The following PLOD2 variants were observed in gnomAD, a reference collection of about 807,000 sequenced individuals.
The protein encoded by PLOD2 is procollagen-lysine,2-oxoglutarate 5-dioxygenase 2.
PLOD2 carries 65 observed loss-of-function variants against 101.0 expected under a neutral mutation model. The ratio of observed to expected loss-of-function variants is 0.64; its 90% CI spans 0.53 to 0.79. The LOEUF is 0.79. Ranked by LOEUF, PLOD2 falls within the 30% of genes least tolerant of loss-of-function variation. The pLI, the probability that PLOD2 is intolerant of heterozygous loss-of-function variation, is 0.00. For synonymous variants in PLOD2, 314 were observed against 302.9 expected (o/e 1.04, Z -0.38); for missense variants, 909 against 914.6 (o/e 0.99, Z 0.08).
intron 3 of PLOD2, among the ~76,000 whole-genome samples, chr3:146,111,856 T>A (rs369321815): frequency 1.9e-4 from 28 of 149,892 alleles, no homozygotes; most frequent in Admixed American, 1.7e-3. Context: ...TTTTTTTTTT[T>A]AATAATGAAG....
chr3:146,128,914 C>T (rs865820310), intron 1 of PLOD2, among the ~76,000 whole-genome samples: 5 of 74,498 alleles, frequency 6.7e-5, no homozygotes, highest in Non-Finnish European at 1.3e-4. Flanking sequence ...TTTTTTGAGA[C>T]GGAGTCTCAG....
chr3:146,122,278 T>C (rs1366746300), intron 2 of PLOD2, among the ~76,000 whole-genome samples: 3 of 152,192 alleles, frequency 2.0e-5, no homozygotes, highest in East Asian at 1.9e-4. Flanking sequence ...GGATTCAAAC[T>C]AGGCTAATCT....
chr3:146,095,546 G>C (rs1937119375), intron 7 of PLOD2, among the ~76,000 whole-genome samples: 1 of 152,032 alleles, frequency 6.6e-6, no homozygotes, highest in Non-Finnish European at 1.5e-5. Context: ...AATCGCTAAA[G>C]TCTGGAAATA....
chr3:146,160,102 A>C (rs2032497944), intron 1 of PLOD2, among the ~76,000 whole-genome samples: 1 of 152,262 alleles, frequency 6.6e-6, no homozygotes, highest in South Asian at 2.1e-4. Flanking sequence ...CAGAGAGTTG[A>C]GCACAAAGAG....
At chr3:146,146,598 T>C (rs910509934) in intron 1 of PLOD2, among the ~76,000 whole-genome samples, 22 of 152,238 alleles carry the variant, frequency 1.4e-4, no homozygotes, top group Admixed American at 1.0e-3. Flanking sequence ...GAATTCTGCA[T>C]TGTTGGTATA....
chr3:146,159,071 A>G (rs2032442633), intron 1 of PLOD2, among the ~76,000 whole-genome samples: 1 of 152,202 alleles, frequency 6.6e-6, no homozygotes, highest in South Asian at 2.1e-4. Context: ...AGTTTATCAC[A>G]TAACCTATGA....
intron 7 of PLOD2, 98 bp from the exon 8 acceptor site, chr3:146,091,999 AG>A: frequency 1.4e-6 from 1 of 716,674 alleles, no homozygotes; most frequent in South Asian, 1.5e-5. Context: ...TTTCTGCAGC[AG>A]GTATATTCCT....
chr3:146,072,766 C>T, intron 16 of PLOD2, 101 bp from the exon 17 acceptor site: 1 of 749,638 alleles, frequency 1.3e-6, no homozygotes, highest in Non-Finnish European at 2.3e-6. Flanking sequence ...TCCTGTATGA[C>T]TAGGAAACAT....
intron 1 of PLOD2, among the ~76,000 whole-genome samples, chr3:146,133,443 T>C (rs1379642528): frequency 6.6e-6 from 1 of 152,202 alleles, no homozygotes; most frequent in Non-Finnish European, 1.5e-5. Flanking sequence ...TTAGAACTGC[T>C]TGCAATAACT....
intron 4 of PLOD2, 31 bp downstream of exon 4, chr3:146,110,254 C>T: frequency 1.9e-6 from 3 of 1,596,908 alleles, no homozygotes; most frequent in Non-Finnish European, 2.6e-6. Flanking sequence ...TTATAACTTG[C>T]ATTAAACTTT....
At chr3:146,103,472 T>G (rs866895962) in intron 6 of PLOD2, among the ~76,000 whole-genome samples, 18 of 151,806 alleles carry the variant, frequency 1.2e-4, no homozygotes, top group Admixed American at 7.2e-4. Flanking sequence ...TTTTTTTTTT[T>G]TTTTAGAGAC....
chr3:146,160,723 C>T lies in PLOD2; in HGVS notation c.109+158G>A, dbSNP rs545808593. On this transcript the variant is annotated intron_variant, in intron 1 of 19. Coordinates refer to ENST00000282903, the MANE Select transcript of PLOD2 (RefSeq NM_182943.3). ...TACACTTCCCCAGGGACCAGCGCCG[C>T]CCGACCGCAATTCTGGGGAAGACCC... 10 of 608,662 alleles carry T rather than the reference C, an allele frequency of 1.6e-5. No homozygotes were observed. In the East Asian group the frequency reaches 1.7e-4, roughly 11 times the overall value. 37.7% of individuals were successfully genotyped at this position (608,662 alleles called of 1,614,324 possible).
chr3:146,153,737 G>C (rs998567109), intron 1 of PLOD2, among the ~76,000 whole-genome samples: 2 of 151,214 alleles, frequency 1.3e-5, no homozygotes, highest in Non-Finnish European at 2.9e-5. Flanking sequence ...TTGAGTGTCC[G>C]AGACTGACCA....
intron 1 of PLOD2, among the ~76,000 whole-genome samples, chr3:146,132,748 G>A (rs183461258): frequency 5.3e-5 from 8 of 152,186 alleles, no homozygotes; most frequent in African/African-American, 1.7e-4. Flanking sequence ...ATTTCTAGTA[G>A]CTAGTAACTT....
In PLOD2 at chr3:146,121,107, C is replaced by G. The variant is rs960227040; in HGVS notation, c.338+5G>C. The stretch of plus-strand genomic sequence containing the variant: ...ATTTTAAAATCCACAGGGTGTTTCT[C>G]CTACCATTCAGTAAACATGACAACC... On this transcript the variant is annotated splice_donor_5th_base_variant and intron_variant, in intron 3 of 19. Coordinates refer to ENST00000282903, the MANE Select transcript of PLOD2 (RefSeq NM_182943.3). 6.3e-7 allele frequency: 1 copy of G among 1,584,866 alleles called. No individual in the cohort carries two copies. The highest frequency in any genetic ancestry group is 1.7e-5 in the Admixed American group (1 of 59,914).
intron 8 of PLOD2, 166 bp from the exon 9 acceptor site, chr3:146,088,877 AT>A: frequency 3.3e-6 from 2 of 611,340 alleles, no homozygotes; most frequent in Non-Finnish European, 5.7e-6. Context: ...CTTGAAACAA[AT>A]TTTTGTGGCC....
At chr3:146,108,115 G>GA (rs200448135) in intron 4 of PLOD2, among the ~76,000 whole-genome samples, 44 of 148,960 alleles carry the variant, frequency 3.0e-4, no homozygotes, top group South Asian at 2.6e-3. Flanking sequence ...CTCAATAAAT[G>GA]AAAAAAAAAC....
At chr3:146,150,610 A>C (rs927820542) in intron 1 of PLOD2, among the ~76,000 whole-genome samples, 1 of 152,206 alleles carries the variant, frequency 6.6e-6, no homozygotes, top group African/African-American at 2.4e-5. Flanking sequence ...GGAGCAAAGA[A>C]GATAACTACT....
At chr3:146,083,441 T>A (rs1162422559) in intron 11 of PLOD2, among the ~76,000 whole-genome samples, 1 of 152,164 alleles carries the variant, frequency 6.6e-6, no homozygotes, top group African/African-American at 2.4e-5. Context: ...AGAAACCACA[T>A]GTCTAGATAC....
Sources: gnomAD v4.1 joint callset for allele counts (sites outside exome capture counted in the v4.1 genomes callset) on GRCh38, gnomAD v4.1.1 for gene constraint, MANE v1.5 for transcripts, NCBI Gene and HGNC (gene_info 2026-07-23, HGNC 2026-07-21) for gene names.